GRM7: variants seen among roughly 807,000 people sequenced by gnomAD.
GRM7 encodes glutamate metabotropic receptor 7.
GRM7 carries 35 observed loss-of-function variants against 84.5 expected under a neutral mutation model. That is an observed-to-expected ratio of 0.41 (90% CI 0.32 to 0.55). GRM7 has a LOEUF of 0.55. GRM7 is among the 20% of genes least tolerant of loss of function. The probability of loss-of-function intolerance (pLI) is 0.19; values close to 1 mark genes in which losing one functional copy is unlikely to be tolerated. For missense variants in GRM7, 1,003 were observed against 1,194.6 expected (o/e 0.84, Z 2.36); for synonymous variants, 487 against 455.1 (o/e 1.07, Z -0.89).
At chr3:7,680,367 G>A in intron 9 of GRM7, 72 bp downstream of exon 9, 2 of 1,498,350 alleles carry the variant, frequency 1.3e-6, no homozygotes, top group East Asian at 2.3e-5. Flanking sequence ...GGGTGTGCTT[G>A]CCTCTCTGGA....
chr3:7,388,634 C>T (rs865960947), intron 4 of GRM7, among the ~76,000 whole-genome samples: 13 of 151,906 alleles, frequency 8.6e-5, no homozygotes, highest in Middle Eastern at 3.4e-3. Context: ...TTGATCTGTT[C>T]GGGATTTCTG....
chr3:7,117,192 C>T (rs192844614), intron 1 of GRM7, among the ~76,000 whole-genome samples: 18 of 152,210 alleles, frequency 1.2e-4, no homozygotes, highest in African/African-American at 2.4e-4. Context: ...AGAGCCAGGC[C>T]GTTTAATCTG....
At chr3:7,542,856 A>G (rs1034217416) in intron 7 of GRM7, among the ~76,000 whole-genome samples, 1 of 152,114 alleles carries the variant, frequency 6.6e-6, no homozygotes, top group Admixed American at 6.6e-5. Context: ...CATGCGTAGC[A>G]ATTTTTAGTT....
chr3:7,304,785 T>C (rs1314695000), intron 3 of GRM7, among the ~76,000 whole-genome samples: 1 of 152,180 alleles, frequency 6.6e-6, no homozygotes, highest in Admixed American at 6.5e-5. Context: ...ATATGATCAT[T>C]CTCATTTAAA....
intron 9 of GRM7, among the ~76,000 whole-genome samples, chr3:7,698,281 G>A (rs1052726023): frequency 5.3e-5 from 8 of 152,182 alleles, no homozygotes; most frequent in Admixed American, 3.9e-4. Context: ...AATGCATAAA[G>A]TGGCAGCAGC....
intron 2 of GRM7, among the ~76,000 whole-genome samples, chr3:7,283,990 T>C (rs997593400): frequency 6.6e-6 from 1 of 152,190 alleles, no homozygotes; most frequent in South Asian, 2.1e-4. Flanking sequence ...CTTTGCAAAG[T>C]GACAGTTCAA....
In GRM7 at chr3:7,421,749, A is replaced by AG. The variant is rs553246565; in HGVS notation, c.1174+6588dup. Among the ~76,000 whole-genome samples, 135 of 152,060 alleles carry AG rather than the reference A, an allele frequency of 8.9e-4. 5 individuals are homozygous for AG. The South Asian group carries it at 0.026, about 29-fold the overall frequency. ...GTACAACTGTGGTTTTGATGACTCC[A>AG]GGTCCTTCCTGTGACCATGGTTGCT... On this transcript the variant is annotated intron_variant, in intron 5 of 9. Coordinates refer to ENST00000357716, the MANE Select transcript of GRM7 (RefSeq NM_000844.4).
chr3:7,679,471 C>T (rs1203686200), intron 8 of GRM7, among the ~76,000 whole-genome samples: 1 of 151,922 alleles, frequency 6.6e-6, no homozygotes, highest in Non-Finnish European at 1.5e-5. Flanking sequence ...ATCTTGTTCA[C>T]TTGTCACTTG....
chr3:7,059,201 T>A (rs1182627892), intron 1 of GRM7, among the ~76,000 whole-genome samples: 1 of 151,774 alleles, frequency 6.6e-6, no homozygotes, highest in Non-Finnish European at 1.5e-5. Flanking sequence ...TATGTAACAG[T>A]GTTTCATCAA....
chr3:7,592,908 GCACCAAC>G (rs1695861553), intron 8 of GRM7, among the ~76,000 whole-genome samples: 1 of 152,118 alleles, frequency 6.6e-6, no homozygotes, highest in Non-Finnish European at 1.5e-5. Flanking sequence ...CTGAATTCAA[GCACCAAC>G]CCTACCCTTG....
chr3:7,342,326 T>C (rs763495402), intron 4 of GRM7, among the ~76,000 whole-genome samples: 3 of 152,062 alleles, frequency 2.0e-5, no homozygotes, highest in Non-Finnish European at 4.4e-5. Context: ...ACATCAAAAG[T>C]TCTAGGGTTT....
At chr3:7,359,525 G>T (rs1693571289) in intron 4 of GRM7, among the ~76,000 whole-genome samples, 1 of 146,686 alleles carries the variant, frequency 6.8e-6, no homozygotes, top group African/African-American at 2.6e-5. Flanking sequence ...AGTAGAGATG[G>T]GGTTTCACCA....
At chr3:7,671,718 T>G (rs1338218657) in intron 8 of GRM7, among the ~76,000 whole-genome samples, 1 of 151,748 alleles carries the variant, frequency 6.6e-6, no homozygotes, top group Non-Finnish European at 1.5e-5. Flanking sequence ...GAGATCTAAG[T>G]AGAATAGCAT....
intron 4 of GRM7, among the ~76,000 whole-genome samples, chr3:7,397,573 A>C (rs1695262742): frequency 1.3e-5 from 2 of 152,162 alleles, no homozygotes; most frequent in South Asian, 4.1e-4. Context: ...TTTAATATGC[A>C]CCAAAAATGA....
At chr3:6,891,092 T>C (rs1695920610) in intron 1 of GRM7, among the ~76,000 whole-genome samples, 2 of 152,226 alleles carry the variant, frequency 1.3e-5, no homozygotes, top group South Asian at 4.1e-4. Flanking sequence ...TTGGTAGATC[T>C]TCCTCCATCC....
At chr3:7,162,433 T>C (rs973624002) in intron 2 of GRM7, among the ~76,000 whole-genome samples, 10 of 152,000 alleles carry the variant, frequency 6.6e-5, no homozygotes, top group Non-Finnish European at 1.5e-4. Flanking sequence ...GCAATGAAGA[T>C]GAAATGAAGG....
chr3:7,148,247 C>T (rs1239681456), intron 2 of GRM7, among the ~76,000 whole-genome samples: 1 of 152,222 alleles, frequency 6.6e-6, no homozygotes, highest in Admixed American at 6.5e-5. Context: ...CTTGATCAAA[C>T]TAAGGCTGGA....
chr3:7,545,622 G>A (rs1693112718), intron 7 of GRM7, among the ~76,000 whole-genome samples: 1 of 152,174 alleles, frequency 6.6e-6, no homozygotes, highest in African/African-American at 2.4e-5. Context: ...CCTCAGGAAT[G>A]TGAACACGAG....
intron 4 of GRM7, among the ~76,000 whole-genome samples, chr3:7,358,812 T>C (rs1334231784): frequency 1.3e-5 from 2 of 152,088 alleles, no homozygotes; most frequent in African/African-American, 4.8e-5. Flanking sequence ...TGTGTAAGTA[T>C]TTTATAAACT....
Sources: allele counts gnomAD v4.1 joint callset (sites outside exome capture counted in the v4.1 genomes callset), GRCh38; gene constraint gnomAD v4.1.1; transcripts MANE v1.5; gene names NCBI Gene and HGNC (gene_info 2026-07-23, HGNC 2026-07-21).